SGTB: variants seen among roughly 807,000 people sequenced by gnomAD.
SGTB encodes the protein small glutamine rich tetratricopeptide repeat co-chaperone beta, also known as small glutamine-rich tetratricopeptide repeat-containing protein beta.
Under a neutral mutation model 43.9 loss-of-function variants are expected in SGTB, and 19 were observed. That is an observed-to-expected ratio of 0.43 (90% CI 0.30 to 0.63). The LOEUF (loss-of-function observed/expected upper bound fraction) is 0.63. Among genes scored for constraint, SGTB ranks in the 30% least tolerant of loss-of-function variants. The probability of loss-of-function intolerance (pLI) is 0.12; values close to 1 mark genes in which losing one functional copy is unlikely to be tolerated. For synonymous variants in SGTB, 116 were observed against 117.3 expected (o/e 0.99, Z 0.07); for missense variants, 304 against 358.9 (o/e 0.85, Z 1.24).
In SGTB at chr5:65,707,435, C is replaced by CACAT. The variant is rs1285224243; in HGVS notation, c.274+1053_274+1054insATGT. ...ACACACACACACACACACACACACACATATATTTTTTTTTTTTTGAGATGG... is the reference window on the plus strand; with the variant it reads ...ACACACACACACACACACACACACACACATATATATTTTTTTTTTTTTGAGATGG... On this transcript the variant is annotated intron_variant, in intron 4 of 10. Coordinates refer to ENST00000381007, the MANE Select transcript of SGTB (RefSeq NM_019072.3). 3.5e-4 allele frequency among the ~76,000 whole-genome samples: 50 copies of CACAT among 141,098 alleles called. No individual in the cohort carries two copies. In the East Asian group the frequency reaches 9.1e-3, roughly 26 times the overall value. 92.6% of individuals were successfully genotyped at this position (141,098 alleles called of 152,430 possible). A position where few individuals can be genotyped will look rare whatever the true frequency, so the allele number is the denominator to read the frequency against.
chr5:65,702,207 T>G (rs1757838773), intron 5 of SGTB, among the ~76,000 whole-genome samples: 1 of 151,936 alleles, frequency 6.6e-6, no homozygotes, highest in African/African-American at 2.4e-5. Flanking sequence ...AGGAAGCCAC[T>G]ACCATCCCTA....
Position 65,712,947 on chromosome 5 carries a change from T to C in SGTB, c.204+14A>G. The C allele has an allele frequency of 6.3e-7, 1 of 1,592,288 alleles. No individual in the cohort carries two copies. Among genetic ancestry groups the C allele is most frequent in the East Asian group, 2.2e-5 (1 of 44,666 alleles). On this transcript the variant is annotated intron_variant, in intron 3 of 10. Coordinates refer to ENST00000381007, the MANE Select transcript of SGTB (RefSeq NM_019072.3). ...GTCATATCAGTTAATAATGAGAAAATAATGACAACATACCTTACAGAAGGA... is the reference window on the plus strand; with the variant it reads ...GTCATATCAGTTAATAATGAGAAAACAATGACAACATACCTTACAGAAGGA...
At chr5:65,672,567 G>GA (rs1463435956) in intron 8 of SGTB, among the ~76,000 whole-genome samples, 2 of 152,100 alleles carry the variant, frequency 1.3e-5, no homozygotes, top group Non-Finnish European at 2.9e-5. Flanking sequence ...AAGCCAAAAG[G>GA]AAAAATAGGA....
chr5:65,712,365 G>A (rs1401661762), intron 3 of SGTB, among the ~76,000 whole-genome samples: 3 of 152,170 alleles, frequency 2.0e-5, no homozygotes, highest in Admixed American at 1.3e-4. Context: ...CAGTCTTATG[G>A]TCTGTTTCCT....
At chr5:65,702,838 C>A (rs1757849791) in intron 5 of SGTB, among the ~76,000 whole-genome samples, 2 of 152,032 alleles carry the variant, frequency 1.3e-5, no homozygotes, top group South Asian at 4.1e-4. Flanking sequence ...TGAAAAATAT[C>A]CAACCTCACC....
rs1355251511 is a variant in SGTB at position 65,667,236 on chromosome 5, T to C, written c.*3010A>G. On this transcript the variant is annotated 3_prime_UTR_variant, in exon 11 of 11. Coordinates refer to ENST00000381007, the MANE Select transcript of SGTB (RefSeq NM_019072.3). ...TTTCTAGTTAGCCTTTTAATAACTA[T>C]AGTGTCTGTAGTGTATTCCCTTTCA... The C allele has an allele frequency of 9.0e-6, 1 of 110,768 alleles. No individual in the cohort carries two copies. Among genetic ancestry groups the C allele is most frequent in the East Asian group, 2.2e-4 (1 of 4,494 alleles). The allele number at this position is 110,768 out of a possible 1,614,324, so 6.9% of individuals were successfully genotyped here.
intron 5 of SGTB, among the ~76,000 whole-genome samples, chr5:65,695,842 A>C (rs1757704892): frequency 6.6e-6 from 1 of 152,008 alleles, no homozygotes; most frequent in South Asian, 2.1e-4. Flanking sequence ...ACATATTATC[A>C]CTCCTTACAA....
chr5:65,722,517 G>T (rs1758337970), upstream of SGTB: 7 of 1,093,922 alleles, frequency 6.4e-6, no homozygotes, highest in Non-Finnish European at 9.2e-6. Context: ...GCGCCTCTCC[G>T]ACGCTCCCGG....
intron 4 of SGTB, among the ~76,000 whole-genome samples, chr5:65,707,429 CACACACAT>C (rs1486184458): frequency 6.7e-6 from 1 of 148,676 alleles, no homozygotes; most frequent in African/African-American, 2.5e-5. Flanking sequence ...CACACACACA[CACACACAT>C]ATATTTTTTT....
intron 4 of SGTB, 41 bp from the exon 5 acceptor site, chr5:65,704,419 C>T: frequency 7.3e-7 from 1 of 1,375,714 alleles, no homozygotes; most frequent in African/African-American, 1.5e-5. Context: ...GTATAATATA[C>T]ATTAAAAACA....
Position 65,722,098 on chromosome 5 carries a change from G to C in SGTB, c.-204C>G, listed in dbSNP as rs1758308125. Reference sequence around the variant, plus strand: ...CCCACCAGGCTGTGCTCTCTCTCAGGCGGCAGGGTCTGGCCAGCACCGCCC... The same window carrying C: ...CCCACCAGGCTGTGCTCTCTCTCAGCCGGCAGGGTCTGGCCAGCACCGCCC... On this transcript the variant is annotated 5_prime_UTR_variant, in exon 1 of 11. Transcript: ENST00000381007. 1 of 172,038 alleles carries C rather than the reference G, an allele frequency of 5.8e-6. No homozygotes were observed. The highest frequency in any genetic ancestry group is 2.4e-5 in the African/African-American group (1 of 41,900). The allele number at this position is 172,038 out of a possible 1,614,324, so 10.7% of individuals were successfully genotyped here.
At chr5:65,719,494 G>A (rs1186333641) in intron 2 of SGTB, among the ~76,000 whole-genome samples, 2 of 152,102 alleles carry the variant, frequency 1.3e-5, no homozygotes, top group African/African-American at 2.4e-5. Context: ...TCAGGAGGCC[G>A]AGGTGGGAGG....
intron 8 of SGTB, among the ~76,000 whole-genome samples, chr5:65,675,176 TCAAAAAGGCC>T (rs1000845163): frequency 6.6e-6 from 1 of 152,196 alleles, no homozygotes; most frequent in African/African-American, 2.4e-5. Context: ...GTGTATGTTC[TCAAAAAGGCC>T]CATACATTAT....
chr5:65,704,422 TA>T, intron 4 of SGTB, 44 bp from the exon 5 acceptor site: 1 of 1,377,542 alleles, frequency 7.3e-7, no homozygotes. Flanking sequence ...TAATATACAT[TA>T]AAAACATACA....
At chr5:65,698,154 T>A (rs1757747588) in intron 5 of SGTB, among the ~76,000 whole-genome samples, 1 of 152,184 alleles carries the variant, frequency 6.6e-6, no homozygotes. Flanking sequence ...ATTTTCAATA[T>A]CTTGATAGAA....
intron 2 of SGTB, among the ~76,000 whole-genome samples, chr5:65,717,876 A>G (rs10067229): frequency 0.3 from 45,597 of 151,846 alleles, 7,072 homozygotes; most frequent in South Asian, 0.44. Context: ...GTTGGGCACA[A>G]AGTAGGTGGA....
intron 5 of SGTB, among the ~76,000 whole-genome samples, chr5:65,694,488 T>G (rs1757679822): frequency 6.6e-6 from 1 of 152,166 alleles, no homozygotes; most frequent in Non-Finnish European, 1.5e-5. Context: ...TGTCTTTTGT[T>G]TTTTGAGACA....
rs185881332 is a variant in SGTB at position 65,699,136 on chromosome 5, C to T, written c.374+5143G>A. Among the ~76,000 whole-genome samples the T allele has an allele frequency of 5.9e-5, 9 of 152,260 alleles. No individual in the cohort carries two copies. In the East Asian group the frequency reaches 1.7e-3, roughly 29 times the overall value. The stretch of plus-strand genomic sequence containing the variant: ...GCAAAGATGTAGAACCAACTAAGGG[C>T]TCATCGGCCAATGAGTGGATAAAGA... On this transcript the variant is annotated intron_variant, in intron 5 of 10. Coordinates refer to ENST00000381007, the MANE Select transcript of SGTB (RefSeq NM_019072.3).
intron 8 of SGTB, among the ~76,000 whole-genome samples, chr5:65,675,382 T>G (rs1166523653): frequency 6.6e-6 from 1 of 152,182 alleles, no homozygotes; most frequent in Non-Finnish European, 1.5e-5. Flanking sequence ...CACTTTTATG[T>G]AAGAGAGTAG....
Sources: gnomAD v4.1 joint callset for allele counts (sites outside exome capture counted in the v4.1 genomes callset) on GRCh38, gnomAD v4.1.1 for gene constraint, MANE v1.5 for transcripts, NCBI Gene and HGNC (gene_info 2026-07-23, HGNC 2026-07-21) for gene names.